The following ST18 variants were observed in gnomAD, a reference collection of about 807,000 sequenced individuals.
The protein encoded by ST18 is suppression of tumorigenicity 18 protein.
In ST18, 50 loss-of-function variants were observed where a neutral mutation model predicts 110.0. The ratio of observed to expected loss-of-function variants is 0.45; its 90% CI spans 0.36 to 0.58. The LOEUF (loss-of-function observed/expected upper bound fraction) is 0.58, where lower values mean the gene tolerates loss of function less well. ST18 is among the 20% of genes least tolerant of loss of function. The probability of loss-of-function intolerance (pLI) is 0.00; values close to 1 mark genes in which losing one functional copy is unlikely to be tolerated. For missense variants in ST18, 1,306 were observed against 1,280.1 expected, an observed-to-expected ratio of 1.02 and a Z score of -0.31; for synonymous variants, 461 against 452.4, an observed-to-expected ratio of 1.02 and a Z score of -0.24.
intron 2 of ST18, among the ~76,000 whole-genome samples, chr8:52,233,993 C>T (rs1211902437): frequency 6.6e-6 from 1 of 152,172 alleles, no homozygotes; most frequent in African/African-American, 2.4e-5. Flanking sequence ...TAACATCTCC[C>T]CAGTCCCCAC....
At chr8:52,267,777 C>A (rs1389675702) in intron 2 of ST18, among the ~76,000 whole-genome samples, 1 of 152,196 alleles carries the variant, frequency 6.6e-6, no homozygotes, top group East Asian at 1.9e-4. Flanking sequence ...TGGGAATCCA[C>A]GGAGAGCCCA....
At chr8:52,235,497 A>T (rs2092488923) in intron 2 of ST18, among the ~76,000 whole-genome samples, 2 of 152,222 alleles carry the variant, frequency 1.3e-5, no homozygotes, top group Non-Finnish European at 2.9e-5. Context: ...TTGTTATATT[A>T]ACGAAAAAGG....
At chr8:52,220,654 A>G (rs1226858487) in intron 5 of ST18, 87 bp downstream of exon 5, 1 of 152,186 alleles carries the variant, frequency 6.6e-6, no homozygotes, top group Non-Finnish European at 1.5e-5. Flanking sequence ...GAGCTGTTGT[A>G]GAGGAGAGCT....
intron 8 of ST18, among the ~76,000 whole-genome samples, chr8:52,209,136 A>T (rs951669165): frequency 6.6e-6 from 1 of 152,202 alleles, no homozygotes; most frequent in African/African-American, 2.4e-5. Context: ...GTCCAAATTT[A>T]AAAAAACTAG....
At chr8:52,329,708 T>C (rs1351428539) in intron 2 of ST18, among the ~76,000 whole-genome samples, 1 of 151,910 alleles carries the variant, frequency 6.6e-6, no homozygotes, top group East Asian at 1.9e-4. Context: ...TGAGCCAAGA[T>C]TGCACCACTG....
intron 2 of ST18, among the ~76,000 whole-genome samples, chr8:52,336,770 C>A (rs924485670): frequency 2.6e-5 from 4 of 152,112 alleles, no homozygotes; most frequent in Non-Finnish European, 5.9e-5. Context: ...GGGCAAGGAG[C>A]CATGCTTGTG....
At chr8:52,189,280 G>A (rs549070588) in intron 8 of ST18, among the ~76,000 whole-genome samples, 1 of 152,272 alleles carries the variant, frequency 6.6e-6, no homozygotes, top group African/African-American at 2.4e-5. Flanking sequence ...TGAAGGTGCT[G>A]GATCAAAGGT....
intron 2 of ST18, among the ~76,000 whole-genome samples, chr8:52,271,746 C>T (rs1380131824): frequency 6.6e-6 from 1 of 152,178 alleles, no homozygotes; most frequent in African/African-American, 2.4e-5. Context: ...AACTGCTGTG[C>T]TTTGTACAGT....
At chr8:52,227,047 T>G (rs1176026982) in intron 3 of ST18, among the ~76,000 whole-genome samples, 1 of 152,166 alleles carries the variant, frequency 6.6e-6, no homozygotes, top group Non-Finnish European at 1.5e-5. Context: ...TATCTGATTA[T>G]GAGATATGGA....
chr8:52,301,561 T>G lies in ST18; in HGVS notation c.-464-71484A>C, dbSNP rs547066004. ...AACAAGAATCGATATTTATTTCTAA[T>G]ATGATATATAAAAAAGTGTATCTTA... On this transcript the variant is annotated intron_variant, in intron 2 of 25. Transcript: ENST00000689386. 1.1e-4 allele frequency among the ~76,000 whole-genome samples: 17 copies of G among 152,328 alleles called. No individual in the cohort carries two copies. In the South Asian group the frequency reaches 3.3e-3, roughly 30 times the overall value.
Position 52,112,298 on chromosome 8 carries a change from G to A in ST18, c.*900C>T, listed in dbSNP as rs1376095927. On this transcript the variant is annotated 3_prime_UTR_variant, in exon 26 of 26. Coordinates refer to ENST00000689386, the MANE Select transcript of ST18 (RefSeq NM_001352837.2). ...TCACTTGTATATTGTACCAACATATGGCAGGAAAGCCTGGCTGGTCACACC... is the reference window on the plus strand; with the variant it reads ...TCACTTGTATATTGTACCAACATATAGCAGGAAAGCCTGGCTGGTCACACC... 2 of 152,544 alleles carry A rather than the reference G, an allele frequency of 1.3e-5. No homozygotes were observed. Among genetic ancestry groups the A allele is most frequent in the Non-Finnish European group, 2.9e-5 (2 of 68,026 alleles). 9.4% of individuals were successfully genotyped at this position (152,544 alleles called of 1,614,324 possible).
chr8:52,130,144 A>AAAGAAAG (rs2048898359), intron 22 of ST18, among the ~76,000 whole-genome samples: 1 of 151,302 alleles, frequency 6.6e-6, no homozygotes, highest in African/African-American at 2.4e-5. Flanking sequence ...AGAAAGAAAG[A>AAAGAAAG]AAGAAAGAAA....
At chr8:52,343,374 G>A (rs76824022) in intron 2 of ST18, among the ~76,000 whole-genome samples, 1 of 152,264 alleles carries the variant, frequency 6.6e-6, no homozygotes, top group East Asian at 1.9e-4. Context: ...TACTTTATAT[G>A]AGGTGATCAT....
intron 15 of ST18, among the ~76,000 whole-genome samples, chr8:52,153,852 A>G (rs567677652): frequency 7.1e-4 from 108 of 152,352 alleles, no homozygotes; most frequent in African/African-American, 2.5e-3. Flanking sequence ...ATGGGATAAT[A>G]ATATCTGCTT....
intron 25 of ST18, among the ~76,000 whole-genome samples, chr8:52,114,459 T>C (rs369849537): frequency 2.7e-4 from 41 of 152,356 alleles, no homozygotes; most frequent in South Asian, 1.7e-3. Flanking sequence ...TGAGACTTAC[T>C]TCGCAAAGGT....
At chr8:52,161,083 G>A (rs1467325714) in intron 14 of ST18, among the ~76,000 whole-genome samples, 1 of 152,144 alleles carries the variant, frequency 6.6e-6, no homozygotes, top group Non-Finnish European at 1.5e-5. Flanking sequence ...CTAACTGTGA[G>A]TTAAATATTT....
chr8:52,309,999 A>G (rs1015908233), intron 2 of ST18, among the ~76,000 whole-genome samples: 12 of 152,254 alleles, frequency 7.9e-5, no homozygotes, highest in Non-Finnish European at 8.8e-5. Context: ...ACAGAAATCA[A>G]GAAGTGCACA....
At chr8:52,403,035 C>G (rs1263073944) in intron 2 of ST18, among the ~76,000 whole-genome samples, 1 of 152,154 alleles carries the variant, frequency 6.6e-6, no homozygotes, top group South Asian at 2.1e-4. Flanking sequence ...GGACATTGGG[C>G]TGGTTCAGGC....
intron 2 of ST18, among the ~76,000 whole-genome samples, chr8:52,284,390 T>C (rs2095434839): frequency 6.6e-6 from 1 of 152,196 alleles, no homozygotes; most frequent in Admixed American, 6.5e-5. Flanking sequence ...ATGTGGATGT[T>C]GAAATCACCC....
Sources: gnomAD v4.1 joint callset for allele counts (sites outside exome capture counted in the v4.1 genomes callset) on GRCh38, gnomAD v4.1.1 for gene constraint, MANE v1.5 for transcripts, NCBI Gene and HGNC (gene_info 2026-07-23, HGNC 2026-07-21) for gene names.